SPMIP7: variants seen among roughly 807,000 people sequenced by gnomAD.
The protein encoded by SPMIP7 is sperm microtubule inner protein 7.
chr7:50,152,370 A>T, the SPMIP7 span, among the ~76,000 whole-genome samples: 1 of 152,154 alleles, frequency 6.6e-6, no homozygotes, highest in Non-Finnish European at 1.5e-5. Context: ...AAAACAGGAA[A>T]TGTTAGATGC....
chr7:50,097,329 C>T, the SPMIP7 span, among the ~76,000 whole-genome samples: 5 of 152,128 alleles, frequency 3.3e-5, no homozygotes, highest in Admixed American at 2.0e-4. Context: ...AGGAAAGGGC[C>T]AAATGCTATA....
At chr7:50,115,855 G>A in the SPMIP7 span, among the ~76,000 whole-genome samples, 116,617 of 152,070 alleles carry the variant, frequency 0.77, 44,915 homozygotes, top group East Asian at 0.88. Context: ...CTGTGAAAAG[G>A]TAAATCAAAC....
chr7:50,141,727 C>CTTTTTTTTTTTTTTTTTTTTTTTTT, the SPMIP7 span: 1 of 76,856 alleles, frequency 1.3e-5, no homozygotes, highest in African/African-American at 5.2e-5. Context: ...AGAGGAATCA[C>CTTTTTTTTTTTTTTTTTTTTTTTTT]TTTTTTTTTT....
At chr7:50,113,568 A>C in the SPMIP7 span, among the ~76,000 whole-genome samples, 2 of 152,208 alleles carry the variant, frequency 1.3e-5, no homozygotes, top group African/African-American at 2.4e-5. Context: ...AGTTTTAAGA[A>C]CAGAGCAGAT....
the SPMIP7 span, among the ~76,000 whole-genome samples, chr7:50,152,281 C>T: frequency 1.6e-4 from 25 of 151,960 alleles, no homozygotes; most frequent in Non-Finnish European, 2.8e-4. Context: ...TGGGAGGTGG[C>T]GGTTGCTGTG....
chr7:50,111,286 GA>G, the SPMIP7 span, among the ~76,000 whole-genome samples: 1 of 151,918 alleles, frequency 6.6e-6, no homozygotes, highest in Non-Finnish European at 1.5e-5. Context: ...GCTTCCTGGA[GA>G]AAATGGGTTC....
chr7:50,154,421 C>T, the SPMIP7 span, among the ~76,000 whole-genome samples: 2 of 152,182 alleles, frequency 1.3e-5, no homozygotes, highest in African/African-American at 2.4e-5. Context: ...CCCTCATAAC[C>T]ACTGTTCTAT....
At chr7:50,128,280 G>A in the SPMIP7 span, among the ~76,000 whole-genome samples, 2 of 152,106 alleles carry the variant, frequency 1.3e-5, no homozygotes, top group African/African-American at 4.8e-5. Context: ...CATGAAGATA[G>A]AGAGTAGATT....
the SPMIP7 span, chr7:50,096,647 A>G: frequency 7.3e-6 from 11 of 1,516,540 alleles, no homozygotes; most frequent in Admixed American, 1.7e-4. Flanking sequence ...AGGTAAATGA[A>G]GTGACATGAA....
chr7:50,097,067 T>G, the SPMIP7 span, among the ~76,000 whole-genome samples: 117,928 of 152,150 alleles, frequency 0.78, 45,842 homozygotes, highest in East Asian at 0.88. Context: ...GAACGTACAT[T>G]TTTTGGCTCC....
chr7:50,124,354 C>G, the SPMIP7 span, among the ~76,000 whole-genome samples: 1 of 152,120 alleles, frequency 6.6e-6, no homozygotes, highest in African/African-American at 2.4e-5. Flanking sequence ...CTAATAAATA[C>G]ATAGATCTAA....
the SPMIP7 span, among the ~76,000 whole-genome samples, chr7:50,113,815 G>T: frequency 6.6e-6 from 1 of 151,952 alleles, no homozygotes. Flanking sequence ...GAAGACACAA[G>T]ATGTTCAACA....
At chr7:50,130,051 C>G in the SPMIP7 span, among the ~76,000 whole-genome samples, 1 of 152,152 alleles carries the variant, frequency 6.6e-6, no homozygotes, top group Non-Finnish European at 1.5e-5. Flanking sequence ...GTACAGCATC[C>G]TAGAAAGCCA....
chr7:50,118,832 T>C, the SPMIP7 span, among the ~76,000 whole-genome samples: 1 of 152,184 alleles, frequency 6.6e-6, no homozygotes, highest in Admixed American at 6.5e-5. Flanking sequence ...GAGGTAATAT[T>C]ACCTCGGCTT....
At chr7:50,118,165 T>A in the SPMIP7 span, among the ~76,000 whole-genome samples, 1 of 152,144 alleles carries the variant, frequency 6.6e-6, no homozygotes, top group Non-Finnish European at 1.5e-5. Context: ...AAAACAAAAT[T>A]GGTATCCGAA....
the SPMIP7 span, among the ~76,000 whole-genome samples, chr7:50,098,207 G>T: frequency 2.0e-5 from 3 of 152,086 alleles, no homozygotes; most frequent in Admixed American, 6.6e-5. Context: ...ATATTATATT[G>T]CTGATTTCTA....
At chr7:50,140,414 AAGAG>A in the SPMIP7 span, among the ~76,000 whole-genome samples, 1 of 152,238 alleles carries the variant, frequency 6.6e-6, no homozygotes, top group Admixed American at 6.5e-5. Context: ...GAAGGAAAGA[AAGAG>A]AGAAAGAGTG....
chr7:50,106,902 A>C, the SPMIP7 span, among the ~76,000 whole-genome samples: 1 of 152,092 alleles, frequency 6.6e-6, no homozygotes, highest in Non-Finnish European at 1.5e-5. Context: ...GGAGTTTGAG[A>C]CCAGTCTGGC....
chr7:50,155,814 T>TAC, the SPMIP7 span, among the ~76,000 whole-genome samples: 1 of 1,068 alleles, frequency 9.4e-4, no homozygotes, highest in Non-Finnish European at 2.4e-3. Flanking sequence ...ACTACACACA[T>TAC]GGCTGTCATC....
Sources: gnomAD v4.1 joint callset for allele counts (sites outside exome capture counted in the v4.1 genomes callset) on GRCh38, gnomAD v4.1.1 for gene constraint, MANE v1.5 for transcripts, NCBI Gene and HGNC (gene_info 2026-07-23, HGNC 2026-07-21) for gene names.